LRRC7: variants seen among roughly 807,000 people sequenced by gnomAD.
LRRC7 encodes the protein leucine rich repeat containing 7.
LRRC7 carries 23 observed loss-of-function variants against 175.7 expected under a neutral mutation model. The ratio of observed to expected loss-of-function variants is 0.13; its 90% CI spans 0.09 to 0.19. LRRC7 has a LOEUF of 0.19. Ranked by LOEUF, LRRC7 falls within the 10% of genes least tolerant of loss-of-function variation. The probability of loss-of-function intolerance (pLI) is 1.00; values close to 1 mark genes in which losing one functional copy is unlikely to be tolerated. For missense variants in LRRC7, 1,354 were observed against 1,904.7 expected (o/e 0.71, Z 5.38); for synonymous variants, 685 against 680.9 (o/e 1.01, Z -0.09).
intron 23 of LRRC7, among the ~76,000 whole-genome samples, chr1:70,069,752 A>C (rs1662244254): frequency 6.6e-6 from 1 of 152,156 alleles, no homozygotes; most frequent in Non-Finnish European, 1.5e-5. Flanking sequence ...ACTTTTGTAT[A>C]GTCCCACAGG....
chr1:69,717,797 A>G (rs1570480464), intron 2 of LRRC7, among the ~76,000 whole-genome samples: 1 of 38,192 alleles, frequency 2.6e-5, no homozygotes, highest in African/African-American at 1.5e-4. Context: ...AAAGAAAGAA[A>G]GAAAGAAAGA....
At chr1:69,985,168 G>T (rs2101896188) in intron 9 of LRRC7, among the ~76,000 whole-genome samples, 1 of 152,170 alleles carries the variant, frequency 6.6e-6, no homozygotes, top group African/African-American at 2.4e-5. Context: ...CTTCATTACT[G>T]AGAACTCCTT....
intron 7 of LRRC7, among the ~76,000 whole-genome samples, chr1:69,923,108 A>T (rs1027905496): frequency 1.3e-5 from 2 of 152,008 alleles, no homozygotes; most frequent in African/African-American, 2.4e-5. Context: ...GAGAATGATG[A>T]TTTCCAATTT....
chr1:69,771,025 T>C (rs761956037), intron 3 of LRRC7, among the ~76,000 whole-genome samples: 1 of 152,212 alleles, frequency 6.6e-6, no homozygotes, highest in African/African-American at 2.4e-5. Context: ...GCCAAATGTA[T>C]ACAATTTTTC....
chr1:69,857,352 T>C (rs191008293), intron 7 of LRRC7, among the ~76,000 whole-genome samples: 2 of 152,322 alleles, frequency 1.3e-5, no homozygotes, highest in Admixed American at 1.3e-4. Flanking sequence ...CATGATTGCA[T>C]ATTTAGAAAA....
chr1:69,896,591 A>T (rs185778014), intron 7 of LRRC7, among the ~76,000 whole-genome samples: 45 of 152,288 alleles, frequency 3.0e-4, no homozygotes, highest in Non-Finnish European at 7.4e-5. Flanking sequence ...TTCTCTATAC[A>T]GTGCCTGACT....
intron 26 of LRRC7, among the ~76,000 whole-genome samples, chr1:70,111,628 G>A (rs1244588878): frequency 2.0e-5 from 3 of 151,958 alleles, no homozygotes; most frequent in Admixed American, 2.0e-4. Context: ...TACATTTTAT[G>A]ATTCAAAATA....
At chr1:69,664,671 A>G (rs1276989127) in intron 1 of LRRC7, among the ~76,000 whole-genome samples, 1 of 152,122 alleles carries the variant, frequency 6.6e-6, no homozygotes, top group Non-Finnish European at 1.5e-5. Flanking sequence ...TTCCTATCAT[A>G]TTGCTTGAGT....
At chr1:69,919,344 G>T in intron 7 of LRRC7, 2 of 599,076 alleles carry the variant, frequency 3.3e-6, no homozygotes, top group South Asian at 4.1e-5. Context: ...AAACAAGAGC[G>T]TGAGGAGGAA....
intron 23 of LRRC7, among the ~76,000 whole-genome samples, chr1:70,063,807 A>G (rs1275785500): frequency 6.6e-6 from 1 of 152,068 alleles, no homozygotes; most frequent in Non-Finnish European, 1.5e-5. Context: ...TTCTGCTATT[A>G]AGGATACTCC....
At chr1:69,711,836 T>C (rs1358695069) in intron 2 of LRRC7, among the ~76,000 whole-genome samples, 1 of 152,174 alleles carries the variant, frequency 6.6e-6, no homozygotes, top group Non-Finnish European at 1.5e-5. Flanking sequence ...AACCGTACTT[T>C]CCACTTTTGA....
intron 18 of LRRC7, 76 bp from the exon 19 acceptor site, chr1:70,036,045 A>C: frequency 8.8e-7 from 1 of 1,139,832 alleles, no homozygotes; most frequent in Non-Finnish European, 1.2e-6. Context: ...ATCTGAGCCA[A>C]ATAAAGATAC....
At chr1:69,663,654 G>A (rs1255508548) in intron 1 of LRRC7, among the ~76,000 whole-genome samples, 1 of 147,706 alleles carries the variant, frequency 6.8e-6, no homozygotes, top group East Asian at 2.0e-4. Flanking sequence ...CCCAGTCTCT[G>A]GTAACCATCG....
rs149957135 is a variant in LRRC7, at chr1:69,888,750, G to C, written c.648-42757G>C. Among the ~76,000 whole-genome samples the C allele has an allele frequency of 4.3e-3, 652 of 152,226 alleles. 9 individuals carry two copies. Among genetic ancestry groups the C allele is most frequent in the Middle Eastern group, 0.031 (9 of 294 alleles). ...AAAAAACAGACAGAAGCCGAGAGTA[G>C]AACAGTGGTTACCAGCTGTTTGGGG... On this transcript the variant is annotated intron_variant, in intron 7 of 26. Transcript: ENST00000651989.
chr1:69,730,211 G>T (rs1667418825), intron 2 of LRRC7, among the ~76,000 whole-genome samples: 1 of 152,210 alleles, frequency 6.6e-6, no homozygotes, highest in Non-Finnish European at 1.5e-5. Context: ...GACATCCCTG[G>T]AGACATTTTC....
chr1:69,665,440 T>C (rs1237553367), intron 1 of LRRC7, among the ~76,000 whole-genome samples: 1 of 152,196 alleles, frequency 6.6e-6, no homozygotes, highest in South Asian at 2.1e-4. Flanking sequence ...CATTGTTGAT[T>C]CTTCCAATTC....
At chr1:69,851,277 A>G (rs1682952513) in intron 7 of LRRC7, among the ~76,000 whole-genome samples, 1 of 152,176 alleles carries the variant, frequency 6.6e-6, no homozygotes, top group African/African-American at 2.4e-5. Context: ...GCAAAAAGAG[A>G]CAACAAGCAC....
chr1:69,707,536 A>G (rs1664196991), intron 2 of LRRC7, among the ~76,000 whole-genome samples: 1 of 152,060 alleles, frequency 6.6e-6, no homozygotes, highest in Non-Finnish European at 1.5e-5. Flanking sequence ...CAAAAAAATT[A>G]TTTATTCTCA....
At position 70,129,075 on chromosome 1, in the gene LRRC7, A is replaced by C. The variant is rs926598007; in HGVS notation, c.*7188A>C. 1.3e-5 allele frequency among the ~76,000 whole-genome samples: 2 copies of C among 151,984 alleles called. No individual in the cohort carries two copies. Among genetic ancestry groups the C allele is most frequent in the South Asian group, 4.1e-4 (2 of 4,820 alleles). ...AGCCTGACCAACATGCTGAAACCTC[A>C]TCTCTACTAAAAATATGAAAAATTA... On this transcript the variant is annotated 3_prime_UTR_variant, in exon 27 of 27. Coordinates refer to ENST00000651989, the MANE Select transcript of LRRC7 (RefSeq NM_001370785.2).
Sources: allele counts gnomAD v4.1 joint callset (sites outside exome capture counted in the v4.1 genomes callset), GRCh38; gene constraint gnomAD v4.1.1; transcripts MANE v1.5; gene names NCBI Gene and HGNC (gene_info 2026-07-23, HGNC 2026-07-21).